The following DYM variants were observed in gnomAD, a reference collection of about 807,000 sequenced individuals.
DYM encodes the protein dyggve-Melchior-Clausen syndrome protein.
DYM carries 78 observed loss-of-function variants against 93.1 expected under a neutral mutation model. That is an observed-to-expected ratio of 0.84 (90% CI 0.70 to 1.01). The LOEUF is 1.01. Ranked by LOEUF, DYM falls within the 50% of genes least tolerant of loss-of-function variation. DYM has a pLI of 0.00. For missense variants in DYM, 789 were observed against 845.0 expected (o/e 0.93, Z 0.82); for synonymous variants, 321 against 319.7 (o/e 1.00, Z -0.04).
At chr18:49,254,325 T>TATATATATACATAC (rs1279388698) in intron 13 of DYM, among the ~76,000 whole-genome samples, 1 of 138,630 alleles carries the variant, frequency 7.2e-6, no homozygotes, top group African/African-American at 2.8e-5. Context: ...TATATATATA[T>TATATATATACATAC]ACACACATAG....
intron 17 of DYM, among the ~76,000 whole-genome samples, chr18:49,049,249 A>G (rs532855787): frequency 6.6e-6 from 1 of 152,176 alleles, no homozygotes; most frequent in African/African-American, 2.4e-5. Flanking sequence ...TACTCATTTC[A>G]TCTTTGAAAC....
chr18:49,260,528 C>A (rs2094473306), intron 11 of DYM, among the ~76,000 whole-genome samples: 1 of 152,010 alleles, frequency 6.6e-6, no homozygotes, highest in Non-Finnish European at 1.5e-5. Flanking sequence ...GAGAAAATTT[C>A]TTTGAGAGGA....
chr18:49,130,847 G>C (rs2083316281), intron 15 of DYM, among the ~76,000 whole-genome samples: 1 of 152,182 alleles, frequency 6.6e-6, no homozygotes, highest in African/African-American at 2.4e-5. Flanking sequence ...ACTTGGAATA[G>C]GGTTGGGGGT....
intron 4 of DYM, 79 bp downstream of exon 4, chr18:49,379,586 G>T: frequency 8.4e-7 from 1 of 1,195,954 alleles, no homozygotes; most frequent in Non-Finnish European, 1.2e-6. Context: ...AAAGACCACA[G>T]TCCATTTCCA....
chr18:49,384,305 G>C (rs1284654029), intron 3 of DYM, among the ~76,000 whole-genome samples: 1 of 123,166 alleles, frequency 8.1e-6, no homozygotes, highest in Non-Finnish European at 1.6e-5. Context: ...ATGAGCGACA[G>C]AGTGAGACCA....
In DYM at chr18:49,049,318, C is replaced by T. The variant is rs375615754; in HGVS notation, c.2026-5114G>A. ...AATTTGAGTTTCAGTCCCATCTTTT[C>T]CCATTCATTCACTCAGTAAATACTT... On this transcript the variant is annotated intron_variant, in intron 17 of 17. Coordinates refer to ENST00000675505, the MANE Select transcript of DYM (RefSeq NM_001353214.3). Among the ~76,000 whole-genome samples the T allele has an allele frequency of 2.4e-4, 37 of 152,312 alleles. No individual in the cohort carries two copies. The East Asian group carries it at 7.1e-3, about 29-fold the overall frequency.
At chr18:49,192,733 G>C (rs954837982) in intron 14 of DYM, among the ~76,000 whole-genome samples, 1 of 150,540 alleles carries the variant, frequency 6.6e-6, no homozygotes, top group Admixed American at 6.6e-5. Flanking sequence ...GTTCTTTTTT[G>C]CTTACAATTG....
chr18:49,230,815 A>G (rs951961039), intron 13 of DYM, among the ~76,000 whole-genome samples: 1 of 152,234 alleles, frequency 6.6e-6, no homozygotes, highest in African/African-American at 2.4e-5. Flanking sequence ...CATTCTATCT[A>G]CTATCAGATA....
At chr18:49,299,903 C>A (rs537493857) in intron 8 of DYM, among the ~76,000 whole-genome samples, 355 of 151,112 alleles carry the variant, frequency 2.3e-3, no homozygotes, top group African/African-American at 8.3e-3. Context: ...ATTAGCTGGG[C>A]GTGGTGGCAG....
chr18:49,367,919 AAG>A (rs2066662984), intron 5 of DYM, among the ~76,000 whole-genome samples: 2 of 152,198 alleles, frequency 1.3e-5, no homozygotes, highest in Non-Finnish European at 2.9e-5. Flanking sequence ...CAGAAAATAA[AAG>A]ACTCACGGTA....
chr18:49,226,647 G>C (rs923493701), intron 13 of DYM, among the ~76,000 whole-genome samples: 2 of 152,094 alleles, frequency 1.3e-5, no homozygotes, highest in African/African-American at 4.8e-5. Flanking sequence ...CTCTAATGGA[G>C]ATTTCATAAG....
intron 15 of DYM, among the ~76,000 whole-genome samples, chr18:49,158,782 G>A (rs924105488): frequency 1.3e-5 from 2 of 152,120 alleles, no homozygotes; most frequent in African/African-American, 4.8e-5. Flanking sequence ...GGGAGGGGAT[G>A]ATTAAGGAGT....
At chr18:49,156,794 T>C (rs1251397415) in intron 15 of DYM, among the ~76,000 whole-genome samples, 1 of 151,316 alleles carries the variant, frequency 6.6e-6, no homozygotes, top group South Asian at 2.1e-4. Flanking sequence ...TCCACTGACT[T>C]AGAGCTAGTC....
chr18:49,197,624 T>C (rs2091589765), intron 14 of DYM, among the ~76,000 whole-genome samples: 1 of 152,124 alleles, frequency 6.6e-6, no homozygotes, highest in African/African-American at 2.4e-5. Flanking sequence ...TGAACTCCCA[T>C]TCACAATTGC....
chr18:49,305,997 G>A (rs1012973645), intron 8 of DYM, among the ~76,000 whole-genome samples: 1 of 152,144 alleles, frequency 6.6e-6, no homozygotes, highest in African/African-American at 2.4e-5. Context: ...GTACTTCATT[G>A]CACACACATT....
chr18:49,366,765 C>T (rs2066555222), intron 5 of DYM, among the ~76,000 whole-genome samples: 1 of 152,158 alleles, frequency 6.6e-6, no homozygotes, highest in African/African-American at 2.4e-5. Context: ...GTACTCTACC[C>T]TTTGACAGGC....
chr18:49,376,041 G>C (rs545019739), intron 5 of DYM, among the ~76,000 whole-genome samples: 2 of 152,214 alleles, frequency 1.3e-5, no homozygotes, highest in Admixed American at 1.3e-4. Context: ...CTACTTTTGA[G>C]GTTTTGGGAC....
At chr18:49,317,576 TCTCTCTCTCTCTCTCTCTCTCCCCC>T (rs1187578222) in intron 8 of DYM, among the ~76,000 whole-genome samples, 4 of 11,644 alleles carry the variant, frequency 3.4e-4, no homozygotes, top group African/African-American at 2.7e-3. Flanking sequence ...TCTCTCTCTC[TCTCTCTCTCTCTCTCTCTCTCCCCC>T]CTCCCCCCTC....
At chr18:49,161,383 T>C (rs1010064271) in intron 15 of DYM, among the ~76,000 whole-genome samples, 2 of 152,236 alleles carry the variant, frequency 1.3e-5, no homozygotes, top group Admixed American at 6.5e-5. Flanking sequence ...AGAATGCTAC[T>C]AAGGCAACAT....
Sources: allele counts gnomAD v4.1 joint callset (sites outside exome capture counted in the v4.1 genomes callset), GRCh38; gene constraint gnomAD v4.1.1; transcripts MANE v1.5; gene names NCBI Gene and HGNC (gene_info 2026-07-23, HGNC 2026-07-21).